Variants in LRP1B observed in about 807,000 individuals in gnomAD.
LRP1B encodes the protein LDL receptor related protein 1B, also known as low-density lipoprotein receptor-related protein 1B.
A neutral mutation model predicts 556.6 loss-of-function variants in LRP1B; 217 were observed. The observed-to-expected ratio is 0.39, with a 90% confidence interval of 0.35 to 0.44. LRP1B has a LOEUF of 0.44. LRP1B is among the 20% of genes least tolerant of loss of function. The pLI is 1.00. For synonymous variants in LRP1B, 2,047 were observed against 1,865.8 expected (o/e 1.10, Z -2.50); for missense variants, 5,053 against 5,620.8 (o/e 0.90, Z 3.23).
intron 5 of LRP1B, among the ~76,000 whole-genome samples, chr2:141,243,100 G>T (rs1349183451): frequency 4.6e-5 from 7 of 151,252 alleles, no homozygotes; most frequent in Non-Finnish European, 1.0e-4. Context: ...GTTTTACTGG[G>T]TACCTATACA....
chr2:141,284,096 T>C (rs1005560797), intron 3 of LRP1B, among the ~76,000 whole-genome samples: 4 of 152,168 alleles, frequency 2.6e-5, no homozygotes, highest in East Asian at 3.9e-4. Context: ...GAAGTATTTC[T>C]GGGAAGTTTG....
chr2:140,279,454 TTC>T (rs1682823773), intron 84 of LRP1B, among the ~76,000 whole-genome samples: 1 of 151,976 alleles, frequency 6.6e-6, no homozygotes, highest in Non-Finnish European at 1.5e-5. Flanking sequence ...AGTTTAATTT[TTC>T]TCTCACTCCC....
rs576728080 is a variant in LRP1B, at chr2:140,834,165, A to G, written c.5209+5826T>C. On this transcript the variant is annotated intron_variant, in intron 31 of 90. Transcript: ENST00000389484. The stretch of plus-strand genomic sequence containing the variant: ...ATTTTTATATAATGATCCTTACTCA[A>G]TCCTAACCATACCTTCATTTGAAAG... 5.3e-5 allele frequency among the ~76,000 whole-genome samples: 8 copies of G among 152,290 alleles called. No individual in the cohort carries two copies. The South Asian group carries it at 1.5e-3, about 28-fold the overall frequency.
Position 140,453,391 on chromosome 2 carries a change from C to T in LRP1B, c.9964-2730G>A, listed in dbSNP as rs928604056. ...ATTTCATGTCTTAGCTTCATTTTTA[C>T]CCACTTAAATTCAGTAACTTAAAAA... On this transcript the variant is annotated intron_variant, in intron 62 of 90. Coordinates refer to ENST00000389484, the MANE Select transcript of LRP1B (RefSeq NM_018557.3). Among the ~76,000 whole-genome samples, 17 of 151,990 alleles carry T rather than the reference C, an allele frequency of 1.1e-4. No homozygotes were observed. In the Middle Eastern group the frequency reaches 0.014, roughly 123 times the overall value.
At chr2:141,785,997 C>G (rs1446752325) in intron 2 of LRP1B, among the ~76,000 whole-genome samples, 2 of 151,826 alleles carry the variant, frequency 1.3e-5, no homozygotes, top group African/African-American at 4.8e-5. Flanking sequence ...AAGTGAGCCA[C>G]CACATTATTG....
At position 141,406,547 on chromosome 2, in the gene LRP1B, CATCTATCTATCT is replaced by C. The variant is rs71982875; in HGVS notation, c.343+73837_343+73848del. ...ATACAGGTGTAGAGTATCTATCTAT[CATCTATCTATCT>C]ATCTATCTATCTATCTATCTATCTA... On this transcript the variant is annotated intron_variant, in intron 3 of 90. Coordinates refer to ENST00000389484, the MANE Select transcript of LRP1B (RefSeq NM_018557.3). Among the ~76,000 whole-genome samples the C allele has an allele frequency of 3.7e-3, 547 of 149,306 alleles. 6 individuals carry two copies. The highest frequency in any genetic ancestry group is 0.011 in the East Asian group (55 of 5,030).
At chr2:140,856,530 C>T (rs1187850934) in intron 27 of LRP1B, among the ~76,000 whole-genome samples, 1 of 152,132 alleles carries the variant, frequency 6.6e-6, no homozygotes, top group Non-Finnish European at 1.5e-5. Context: ...GATATTTGGA[C>T]TTTTGCAGGC....
chr2:142,039,780 T>C (rs1164515510), intron 1 of LRP1B, among the ~76,000 whole-genome samples: 1 of 151,584 alleles, frequency 6.6e-6, no homozygotes, highest in East Asian at 1.9e-4. Flanking sequence ...CTATTTCTCA[T>C]TGCTTTGTAT....
intron 2 of LRP1B, among the ~76,000 whole-genome samples, chr2:141,575,759 A>G (rs1355969857): frequency 6.6e-6 from 1 of 152,082 alleles, no homozygotes; most frequent in Non-Finnish European, 1.5e-5. Context: ...CAATTAAAAA[A>G]AAAAAACAAC....
chr2:140,769,350 T>A lies in LRP1B; in HGVS notation c.5627-6A>T. The A allele has an allele frequency of 6.3e-7, 1 of 1,598,076 alleles. No individual in the cohort carries two copies. Among genetic ancestry groups the A allele is most frequent in the Non-Finnish European group, 8.5e-7 (1 of 1,172,614 alleles). On this transcript the variant is annotated splice_region_variant and splice_polypyrimidine_tract_variant and intron_variant, in intron 34 of 90. Transcript: ENST00000389484. ...CATAAGAAATGATTCTATACCTAAATGCAGGGCCGGAGATAAGGGGGGGAA... is the reference window on the plus strand; with the variant it reads ...CATAAGAAATGATTCTATACCTAAAAGCAGGGCCGGAGATAAGGGGGGGAA...
chr2:142,026,734 C>T (rs1302861463), intron 1 of LRP1B, among the ~76,000 whole-genome samples: 2 of 151,998 alleles, frequency 1.3e-5, no homozygotes, highest in African/African-American at 2.4e-5. Context: ...ATTGCCCAGA[C>T]TTATCTTAAA....
At position 140,233,343 on chromosome 2, in the gene LRP1B, A is replaced by T. The variant is rs2104871229; in HGVS notation, c.13660-17T>A. On this transcript the variant is annotated splice_polypyrimidine_tract_variant and intron_variant, in intron 90 of 90. Transcript: ENST00000389484. ...ATTTGTTGGCTGAAGGAGAAAAAAAATAAATATAATTTTATTACTGGTCTT... is the reference window on the plus strand; with the variant it reads ...ATTTGTTGGCTGAAGGAGAAAAAAATTAAATATAATTTTATTACTGGTCTT... 2 of 1,547,618 alleles carry T rather than the reference A, an allele frequency of 1.3e-6. No homozygotes were observed. Among genetic ancestry groups the T allele is most frequent in the Non-Finnish European group, 1.7e-6 (2 of 1,144,218 alleles).
At chr2:140,810,050 T>G (rs775187018) in intron 32 of LRP1B, among the ~76,000 whole-genome samples, 35 of 152,222 alleles carry the variant, frequency 2.3e-4, no homozygotes, top group Non-Finnish European at 3.8e-4. Context: ...GCAAAGTGTT[T>G]ATGAAACATA....
At chr2:140,762,715 C>T (rs1450562192) in intron 35 of LRP1B, among the ~76,000 whole-genome samples, 1 of 152,104 alleles carries the variant, frequency 6.6e-6, no homozygotes, top group East Asian at 1.9e-4. Context: ...AGATCCATTG[C>T]TTATGACCAG....
intron 1 of LRP1B, among the ~76,000 whole-genome samples, chr2:141,969,536 T>C (rs1220453554): frequency 6.6e-6 from 1 of 151,716 alleles, no homozygotes; most frequent in African/African-American, 2.4e-5. Flanking sequence ...TCTGGCTTAT[T>C]TCACTTATAA....
intron 41 of LRP1B, among the ~76,000 whole-genome samples, chr2:140,630,370 AAACTG>A (rs1252023079): frequency 6.6e-6 from 1 of 152,226 alleles, no homozygotes; most frequent in African/African-American, 2.4e-5. Flanking sequence ...AAAAGCTGCA[AAACTG>A]AAAATCAACA....
intron 1 of LRP1B, among the ~76,000 whole-genome samples, chr2:141,861,072 A>G (rs1389759644): frequency 6.6e-6 from 1 of 152,236 alleles, no homozygotes; most frequent in African/African-American, 2.4e-5. Flanking sequence ...ATAAATTTTA[A>G]AATAAATTTT....
chr2:140,374,976 T>C (rs549146311), intron 68 of LRP1B, among the ~76,000 whole-genome samples: 1 of 152,210 alleles, frequency 6.6e-6, no homozygotes, highest in East Asian at 1.9e-4. Flanking sequence ...TGTATAACTA[T>C]TTCTCGTTCT....
intron 6 of LRP1B, among the ~76,000 whole-genome samples, chr2:141,210,954 C>T (rs1341022537): frequency 1.3e-5 from 2 of 152,074 alleles, no homozygotes; most frequent in South Asian, 2.1e-4. Context: ...ATTTATAGCA[C>T]AGTAGAGTGC....
Sources: allele counts gnomAD v4.1 joint callset (sites outside exome capture counted in the v4.1 genomes callset), GRCh38; gene constraint gnomAD v4.1.1; transcripts MANE v1.5; gene names NCBI Gene and HGNC (gene_info 2026-07-23, HGNC 2026-07-21).